The following B3GALT1 variants were observed in gnomAD, a reference collection of about 807,000 sequenced individuals.
B3GALT1 encodes UDP-Gal:betaGlcNAc beta 1,3-galactosyltransferase, polypeptide 1.
Under a neutral mutation model 23.2 loss-of-function variants are expected in B3GALT1, and 10 were observed. The ratio of observed to expected loss-of-function variants is 0.43; its 90% CI spans 0.27 to 0.73. The LOEUF is 0.73. Ranked by LOEUF, B3GALT1 falls within the 30% of genes least tolerant of loss-of-function variation. The pLI is 0.21. For synonymous variants in B3GALT1, 156 were observed against 141.5 expected, an observed-to-expected ratio of 1.10 and a Z score of -0.73; for missense variants, 299 against 405.4, an observed-to-expected ratio of 0.74 and a Z score of 2.25.
At chr2:167,704,373 G>A (rs906249865) in intron 3 of B3GALT1, among the ~76,000 whole-genome samples, 17 of 151,932 alleles carry the variant, frequency 1.1e-4, no homozygotes, top group Admixed American at 9.2e-4. Context: ...CAATATGATA[G>A]TATGTAAAGG....
At chr2:167,501,485 A>G (rs140300649) in intron 2 of B3GALT1, among the ~76,000 whole-genome samples, 1,747 of 152,074 alleles carry the variant, frequency 0.011, 32 homozygotes, top group African/African-American at 0.04. Flanking sequence ...CTTTTTAAAA[A>G]AATTTCTGAT....
At chr2:167,811,549 T>C (rs1688888999) in intron 3 of B3GALT1, among the ~76,000 whole-genome samples, 1 of 152,134 alleles carries the variant, frequency 6.6e-6, no homozygotes, top group African/African-American at 2.4e-5. Context: ...ACTAGGCCTA[T>C]TGCTTGCCAT....
intron 1 of B3GALT1, among the ~76,000 whole-genome samples, chr2:167,473,709 G>A (rs1201869849): frequency 6.6e-6 from 1 of 152,082 alleles, no homozygotes; most frequent in East Asian, 1.9e-4. Flanking sequence ...GACCACATGA[G>A]TGAACCAAGG....
chr2:167,456,571 G>A (rs1459979242), intron 1 of B3GALT1, among the ~76,000 whole-genome samples: 1 of 152,140 alleles, frequency 6.6e-6, no homozygotes, highest in African/African-American at 2.4e-5. Context: ...GCAAATATCA[G>A]GTCCCCAGGT....
chr2:167,789,859 C>T (rs566056952), intron 3 of B3GALT1, among the ~76,000 whole-genome samples: 3 of 152,166 alleles, frequency 2.0e-5, no homozygotes, highest in Admixed American at 6.5e-5. Flanking sequence ...ATTATAGACA[C>T]GGGCCCCTTG....
At chr2:167,776,042 A>T (rs13010135) in intron 3 of B3GALT1, among the ~76,000 whole-genome samples, 1 of 66,472 alleles carries the variant, frequency 1.5e-5, no homozygotes, top group African/African-American at 4.5e-5. Flanking sequence ...GCAACTGTGC[A>T]CACACACACA....
intron 2 of B3GALT1, among the ~76,000 whole-genome samples, chr2:167,560,622 A>C (rs922975535): frequency 1.8e-4 from 28 of 152,106 alleles, no homozygotes; most frequent in East Asian, 3.9e-4. Context: ...TCTACCAAGC[A>C]AATGGAAAAC....
At chr2:167,810,634 A>G (rs983536089) in intron 3 of B3GALT1, among the ~76,000 whole-genome samples, 1 of 151,082 alleles carries the variant, frequency 6.6e-6, no homozygotes, top group African/African-American at 2.5e-5. Context: ...ATTACAAAGT[A>G]CGTCATTGTT....
chr2:167,620,400 T>A (rs1685235413), intron 2 of B3GALT1, among the ~76,000 whole-genome samples: 1 of 152,044 alleles, frequency 6.6e-6, no homozygotes, highest in African/African-American at 2.4e-5. Context: ...GTACAGATCT[T>A]TGTAGGCTGG....
At chr2:167,371,129 C>T (rs1697677552) in intron 1 of B3GALT1, among the ~76,000 whole-genome samples, 1 of 151,674 alleles carries the variant, frequency 6.6e-6, no homozygotes. Context: ...AAAATTTCTA[C>T]TCAGAGTCAA....
intron 2 of B3GALT1, among the ~76,000 whole-genome samples, chr2:167,629,207 T>A (rs1333092774): frequency 6.6e-6 from 1 of 151,686 alleles, no homozygotes; most frequent in Non-Finnish European, 1.5e-5. Flanking sequence ...AGAAAATCGG[T>A]GATCTCGTAA....
chr2:167,306,664 A>T (rs913850825), intron 1 of B3GALT1, among the ~76,000 whole-genome samples: 2 of 151,974 alleles, frequency 1.3e-5, no homozygotes, highest in Admixed American at 6.6e-5. Context: ...TGTCTTCAAA[A>T]CTGTTCTTTC....
chr2:167,672,966 AAG>A (rs143190700), intron 3 of B3GALT1, among the ~76,000 whole-genome samples: 2 of 151,080 alleles, frequency 1.3e-5, no homozygotes, highest in Admixed American at 6.6e-5. Flanking sequence ...CTAGGAGTGT[AAG>A]AGAGAGAGAG....
At chr2:167,706,933 T>C (rs143392911) in intron 3 of B3GALT1, among the ~76,000 whole-genome samples, 7 of 152,252 alleles carry the variant, frequency 4.6e-5, no homozygotes, top group Non-Finnish European at 1.0e-4. Flanking sequence ...CTTCCCAAGC[T>C]AGGTAATAAC....
At chr2:167,671,034 G>A (rs190294620) in intron 3 of B3GALT1, among the ~76,000 whole-genome samples, 1 of 152,214 alleles carries the variant, frequency 6.6e-6, no homozygotes, top group East Asian at 1.9e-4. Flanking sequence ...AGCAGGGATG[G>A]CTACACTTTT....
At chr2:167,670,057 A>T (rs2105482521) in intron 3 of B3GALT1, among the ~76,000 whole-genome samples, 1 of 152,308 alleles carries the variant, frequency 6.6e-6, no homozygotes, top group South Asian at 2.1e-4. Flanking sequence ...ACTCCCTCCA[A>T]GCTAGCCTAT....
chr2:167,609,434 G>T (rs1173059096), intron 2 of B3GALT1, among the ~76,000 whole-genome samples: 2 of 152,076 alleles, frequency 1.3e-5, no homozygotes, highest in Admixed American at 1.3e-4. Context: ...AGAGCATAAG[G>T]TAGGGTGGGA....
intron 2 of B3GALT1, among the ~76,000 whole-genome samples, chr2:167,602,694 C>T (rs540275883): frequency 1.8e-4 from 27 of 152,182 alleles, no homozygotes; most frequent in African/African-American, 6.5e-4. Context: ...TAATGATATA[C>T]ATGTTACCTG....
At chr2:167,525,668 T>G (rs1421399511) in intron 2 of B3GALT1, among the ~76,000 whole-genome samples, 1 of 151,982 alleles carries the variant, frequency 6.6e-6, no homozygotes, top group Non-Finnish European at 1.5e-5. Flanking sequence ...GGGTCTCACT[T>G]TGTCACCCAG....
Sources: gnomAD v4.1 joint callset for allele counts (sites outside exome capture counted in the v4.1 genomes callset) on GRCh38, gnomAD v4.1.1 for gene constraint, MANE v1.5 for transcripts, NCBI Gene and HGNC (gene_info 2026-07-23, HGNC 2026-07-21) for gene names.